ADAM18: variants seen among roughly 807,000 people sequenced by gnomAD.
ADAM18 encodes the protein ADAM metallopeptidase domain 18.
In ADAM18, 117 loss-of-function variants were observed where a neutral mutation model predicts 94.4. That is an observed-to-expected ratio of 1.24 (90% CI 1.07 to 1.45). The LOEUF (loss-of-function observed/expected upper bound fraction) is 1.45, where lower values mean the gene tolerates loss of function less well. ADAM18 is among the 40% of genes most tolerant of loss of function. ADAM18 has a pLI of 0.00. For synonymous variants in ADAM18, 327 were observed against 291.6 expected, an observed-to-expected ratio of 1.12 and a Z score of -1.24; for missense variants, 936 against 880.0, an observed-to-expected ratio of 1.06 and a Z score of -0.81.
intron 12 of ADAM18, among the ~76,000 whole-genome samples, chr8:39,655,466 G>T (rs1820659241): frequency 6.6e-6 from 1 of 152,024 alleles, no homozygotes; most frequent in Admixed American, 6.6e-5. Flanking sequence ...CATCTCAATG[G>T]ATAGATAATA....
chr8:39,634,115 C>T (rs2129579197), intron 7 of ADAM18, among the ~76,000 whole-genome samples: 1 of 152,272 alleles, frequency 6.6e-6, no homozygotes, highest in Non-Finnish European at 1.5e-5. Context: ...CACCTCAGGT[C>T]TAAGATCCTT....
chr8:39,692,540 G>A, intron 16 of ADAM18, 60 bp from the exon 17 acceptor site: 1 of 1,062,274 alleles, frequency 9.4e-7, no homozygotes, highest in Non-Finnish European at 1.4e-6. Flanking sequence ...AATCATTAAT[G>A]TTTTTTCTTG....
At chr8:39,666,797 A>G (rs1006963070) in intron 13 of ADAM18, among the ~76,000 whole-genome samples, 1 of 152,174 alleles carries the variant, frequency 6.6e-6, no homozygotes, top group Non-Finnish European at 1.5e-5. Flanking sequence ...CTCCCATCAC[A>G]TGTGGGAATT....
chr8:39,611,853 A>G (rs1285018485), intron 6 of ADAM18, among the ~76,000 whole-genome samples: 1 of 152,212 alleles, frequency 6.6e-6, no homozygotes, highest in South Asian at 2.1e-4. Context: ...TGCTAAGACT[A>G]TATGATGTTC....
At chr8:39,649,546 A>T (rs894897179) in intron 12 of ADAM18, among the ~76,000 whole-genome samples, 1 of 152,184 alleles carries the variant, frequency 6.6e-6, no homozygotes, top group African/African-American at 2.4e-5. Context: ...AAAGCAACAC[A>T]ATCTGGGGCT....
chr8:39,629,269 A>T, intron 6 of ADAM18, 105 bp from the exon 7 acceptor site: 1 of 777,538 alleles, frequency 1.3e-6, no homozygotes, highest in Non-Finnish European at 2.0e-6. Flanking sequence ...TTAAGTCCTC[A>T]TGAAAATCTT....
At chr8:39,719,096 A>G (rs999430004) in intron 18 of ADAM18, among the ~76,000 whole-genome samples, 1 of 151,408 alleles carries the variant, frequency 6.6e-6, no homozygotes, top group Admixed American at 6.6e-5. Context: ...AACTCACTAT[A>G]AAGCTACAGT....
In ADAM18 at chr8:39,692,694, G is replaced by A. The variant is rs1171134265; in HGVS notation, c.1902+14G>A. On this transcript the variant is annotated intron_variant, in intron 17 of 19. Coordinates refer to ENST00000265707, the MANE Select transcript of ADAM18 (RefSeq NM_014237.3). ...AAAGGGAAAGGGGTAAGTCACTTTTGTATCTGAATTGCATGTTATTCTTGT... is the reference window on the plus strand; with the variant it reads ...AAAGGGAAAGGGGTAAGTCACTTTTATATCTGAATTGCATGTTATTCTTGT... 2 of 1,571,772 alleles carry A rather than the reference G, an allele frequency of 1.3e-6. No individual in the cohort carries two copies. The highest frequency in any genetic ancestry group is 1.1e-5 in the South Asian group (1 of 87,900).
intron 14 of ADAM18, among the ~76,000 whole-genome samples, chr8:39,671,318 A>C (rs187547519): frequency 1.3e-4 from 20 of 152,324 alleles, no homozygotes; most frequent in Admixed American, 1.3e-3. Context: ...ATTGAAATTA[A>C]TGGGGCAAAT....
At chr8:39,609,698 T>C (rs571136011) in intron 5 of ADAM18, 137 bp downstream of exon 5, 19 of 573,252 alleles carry the variant, frequency 3.3e-5, no homozygotes, top group South Asian at 2.4e-4. Context: ...ACAGCTTTAT[T>C]CTATTTGTAT....
chr8:39,660,100 A>G (rs963096911), intron 12 of ADAM18, among the ~76,000 whole-genome samples: 1 of 152,152 alleles, frequency 6.6e-6, no homozygotes, highest in East Asian at 1.9e-4. Flanking sequence ...AAACTATGGC[A>G]GGTGCACAAA....
chr8:39,610,706 G>A lies in ADAM18; in HGVS notation c.522G>A (p.Gln174=). ...DQPYKVPLNS[Q]IKNLSKLLPQ... Reference sequence around the variant, plus strand: ...CCTACAAAGTTCCTTTAAACTCACAGGTGACTGTCATCATTCTGATGTTAT... The same window carrying A: ...CCTACAAAGTTCCTTTAAACTCACAAGTGACTGTCATCATTCTGATGTTAT... Residue 174 remains glutamine (Q), a splice_region_variant and synonymous_variant, in exon 6 of 20, where the codon CAG becomes CAA. Coordinates refer to ENST00000265707, the MANE Select transcript of ADAM18 (RefSeq NM_014237.3). 1 of 1,611,854 alleles carries A rather than the reference G, an allele frequency of 6.2e-7. No homozygotes were observed. Among genetic ancestry groups the A allele is most frequent in the South Asian group, 1.1e-5 (1 of 90,612 alleles).
At chr8:39,711,962 A>C (rs377453731) in intron 18 of ADAM18, among the ~76,000 whole-genome samples, 175 of 152,166 alleles carry the variant, frequency 1.2e-3, no homozygotes, top group African/African-American at 4.1e-3. Context: ...CACTGGCGCA[A>C]GCACTAAAAA....
intron 6 of ADAM18, among the ~76,000 whole-genome samples, chr8:39,622,531 G>A (rs1819643441): frequency 6.6e-6 from 1 of 151,676 alleles, no homozygotes; most frequent in Non-Finnish European, 1.5e-5. Context: ...TCTATCAAGA[G>A]CAATTATTTT....
chr8:39,615,273 T>C (rs1053289138), intron 6 of ADAM18, among the ~76,000 whole-genome samples: 6 of 148,838 alleles, frequency 4.0e-5, no homozygotes, highest in African/African-American at 1.5e-4. Context: ...CACAGTACAA[T>C]AAAGATAGAA....
Position 39,595,632 on chromosome 8 carries a change from C to T in ADAM18, c.132+10280C>T, listed in dbSNP as rs527250117. Reference sequence around the variant, plus strand: ...GCCTCAGAGGTTTCAAGAGATTCTCCTGCCTCAGCCTCCCAAATAGCTGGG... The same window carrying T: ...GCCTCAGAGGTTTCAAGAGATTCTCTTGCCTCAGCCTCCCAAATAGCTGGG... On this transcript the variant is annotated intron_variant, in intron 2 of 19. Transcript: ENST00000265707. Among the ~76,000 whole-genome samples the T allele has an allele frequency of 2.6e-5, 4 of 152,228 alleles. No homozygotes were observed. The South Asian group carries it at 8.3e-4, about 32-fold the overall frequency.
At chr8:39,602,351 G>C (rs943431848) in intron 2 of ADAM18, among the ~76,000 whole-genome samples, 1 of 152,060 alleles carries the variant, frequency 6.6e-6, no homozygotes, top group Non-Finnish European at 1.5e-5. Context: ...ATTTGCTGTT[G>C]CTTGTTCTTT....
At chr8:39,719,351 G>T (rs7461047) in intron 18 of ADAM18, among the ~76,000 whole-genome samples, 88,076 of 150,916 alleles carry the variant, frequency 0.58, 25,893 homozygotes, top group African/African-American at 0.62. Context: ...GTTGATTACA[G>T]ACCAAAATTT....
At chr8:39,598,566 G>A (rs1361779224) in intron 2 of ADAM18, among the ~76,000 whole-genome samples, 6 of 151,894 alleles carry the variant, frequency 4.0e-5, no homozygotes, top group Non-Finnish European at 8.8e-5. Flanking sequence ...CTAGGAGTTC[G>A]AGACCTGCCT....
Sources: allele counts gnomAD v4.1 joint callset (sites outside exome capture counted in the v4.1 genomes callset), GRCh38; gene constraint gnomAD v4.1.1; transcripts MANE v1.5; gene names NCBI Gene and HGNC (gene_info 2026-07-23, HGNC 2026-07-21).